The following GRM3 variants were observed in gnomAD, a reference collection of about 807,000 sequenced individuals.
The protein encoded by GRM3 is glutamate metabotropic receptor 3.
Under a neutral mutation model 70.5 loss-of-function variants are expected in GRM3, and 26 were observed. The observed-to-expected ratio is 0.37, with a 90% CI of 0.27 to 0.51. The LOEUF is 0.51. Ranked by LOEUF, GRM3 falls within the 20% of genes least tolerant of loss-of-function variation. The pLI is 0.93. For missense variants in GRM3, 859 were observed against 1,123.8 expected, an observed-to-expected ratio of 0.76 and a Z score of 3.37; for synonymous variants, 443 against 434.9, an observed-to-expected ratio of 1.02 and a Z score of -0.23.
chr7:86,670,116 G>A (rs1794133404), intron 1 of GRM3, among the ~76,000 whole-genome samples: 1 of 152,110 alleles, frequency 6.6e-6, no homozygotes, highest in East Asian at 1.9e-4. Context: ...CTTAATGTAA[G>A]TATTTTACAA....
chr7:86,650,252 A>G (rs1020870805), intron 1 of GRM3, among the ~76,000 whole-genome samples: 2 of 152,206 alleles, frequency 1.3e-5, no homozygotes, highest in Non-Finnish European at 2.9e-5. Flanking sequence ...TAACTTGCCC[A>G]AGTTCAGGTA....
chr7:86,743,730 G>A (rs1166058298), intron 1 of GRM3, among the ~76,000 whole-genome samples: 2 of 152,148 alleles, frequency 1.3e-5, no homozygotes, highest in Non-Finnish European at 2.9e-5. Flanking sequence ...ATAAAGAAGA[G>A]TAGGATTGCA....
chr7:86,755,676 T>C (rs934553607), intron 1 of GRM3, among the ~76,000 whole-genome samples: 4 of 152,072 alleles, frequency 2.6e-5, no homozygotes, highest in African/African-American at 9.7e-5. Context: ...GCAATAAAAT[T>C]AAAGAAAAAT....
At chr7:86,782,328 GGT>G (rs1032813505) in intron 2 of GRM3, among the ~76,000 whole-genome samples, 18 of 113,736 alleles carry the variant, frequency 1.6e-4, no homozygotes, top group Middle Eastern at 4.3e-3. Context: ...ATTATGGGGT[GGT>G]TTTTTTTTTT....
intron 3 of GRM3, among the ~76,000 whole-genome samples, chr7:86,794,563 T>C (rs1333018238): frequency 2.6e-5 from 4 of 152,176 alleles, no homozygotes; most frequent in African/African-American, 7.2e-5. Context: ...GGATCAGGCA[T>C]TGAGAAGGAT....
At chr7:86,758,136 C>A (rs528901353) in intron 1 of GRM3, among the ~76,000 whole-genome samples, 1 of 152,086 alleles carries the variant, frequency 6.6e-6, no homozygotes, top group East Asian at 1.9e-4. Flanking sequence ...TTATTTCTTA[C>A]CAGGAAACAG....
At chr7:86,708,231 T>C (rs1340376385) in intron 1 of GRM3, among the ~76,000 whole-genome samples, 1 of 152,146 alleles carries the variant, frequency 6.6e-6, no homozygotes, top group African/African-American at 2.4e-5. Context: ...TCTTGACACT[T>C]GAAGATCTAT....
intron 1 of GRM3, among the ~76,000 whole-genome samples, chr7:86,764,578 A>C (rs1175253769): frequency 6.6e-6 from 1 of 152,158 alleles, no homozygotes. Flanking sequence ...GTAAGAGTCC[A>C]TAAAAAAGGT....
intron 2 of GRM3, among the ~76,000 whole-genome samples, chr7:86,778,006 T>A (rs886219009): frequency 3.3e-5 from 5 of 152,168 alleles, no homozygotes; most frequent in Non-Finnish European, 7.3e-5. Context: ...GGCACATATA[T>A]AAGCATTTAA....
At position 86,775,546 on chromosome 7, in the gene GRM3, C is replaced by T. The variant is rs1024742769; in HGVS notation, c.468+9933C>T. ...CACCAACTCTCTTTTTAAAACATAA[C>T]TTTGGTCATGTCATTTCCTTAATAA... On this transcript the variant is annotated intron_variant, in intron 2 of 5. Transcript: ENST00000361669. Among the ~76,000 whole-genome samples the T allele has an allele frequency of 5.3e-5, 8 of 152,098 alleles. No individual in the cohort carries two copies. In the East Asian group the frequency reaches 1.5e-3, roughly 29 times the overall value.
In GRM3 at chr7:86,787,008, A is replaced by C; in HGVS notation, c.1216A>C (p.Lys406Gln). ...AVYAMAHALH[K>Q]MQRTLCPNTT... ...GTATGCCATGGCCCACGCTTTGCAC[A>C]AAATGCAGCGCACCCTCTGTCCCAA... The change falls in exon 3 of 6, where the codon AAA (lysine) becomes CAA (glutamine). Residue 406 changes from lysine to glutamine, a missense_variant. Transcript: ENST00000361669. The C allele has an allele frequency of 6.2e-7, 1 of 1,613,986 alleles. No homozygotes were observed. The highest frequency in any genetic ancestry group is 1.6e-4 in the Middle Eastern group (1 of 6,062).
Position 86,697,579 on chromosome 7 carries a change from A to C in GRM3, c.-141+52707A>C, listed in dbSNP as rs141815362. 3.5e-3 allele frequency among the ~76,000 whole-genome samples: 535 copies of C among 152,224 alleles called. 4 individuals are homozygous for C. Among genetic ancestry groups the C allele is most frequent in the African/African-American group, 0.012 (508 of 41,566 alleles). The stretch of plus-strand genomic sequence containing the variant: ...CGTTATCAATTTTCCTAAAAGTGTA[A>C]GTTTAGAATTAATTTCAAAAGGAAG... On this transcript the variant is annotated intron_variant, in intron 1 of 5. Coordinates refer to ENST00000361669, the MANE Select transcript of GRM3 (RefSeq NM_000840.3).
intron 1 of GRM3, among the ~76,000 whole-genome samples, chr7:86,693,779 T>C (rs1042717420): frequency 2.0e-5 from 3 of 152,210 alleles, no homozygotes; most frequent in African/African-American, 7.2e-5. Context: ...TGAGTATTTA[T>C]TGAACACCTT....
At chr7:86,860,647 C>T (rs1166605351) in intron 5 of GRM3, among the ~76,000 whole-genome samples, 1 of 152,142 alleles carries the variant, frequency 6.6e-6, no homozygotes, top group African/African-American at 2.4e-5. Context: ...CTTTGAATGT[C>T]CCTATGAAGG....
chr7:86,813,244 G>A (rs1797948745), intron 3 of GRM3, among the ~76,000 whole-genome samples: 1 of 151,724 alleles, frequency 6.6e-6, no homozygotes, highest in Non-Finnish European at 1.5e-5. Context: ...AGCAGTTCCT[G>A]TCTCTAAGGG....
At chr7:86,739,566 C>T (rs2116314902) in intron 1 of GRM3, among the ~76,000 whole-genome samples, 1 of 152,270 alleles carries the variant, frequency 6.6e-6, no homozygotes, top group East Asian at 1.9e-4. Flanking sequence ...AGAATTGTTC[C>T]AGACCAGCAG....
At chr7:86,792,472 C>T (rs1186807624) in intron 3 of GRM3, among the ~76,000 whole-genome samples, 3 of 152,166 alleles carry the variant, frequency 2.0e-5, no homozygotes, top group Admixed American at 2.0e-4. Context: ...AACATTTATG[C>T]CATTCCTCTC....
chr7:86,731,187 G>T (rs778728422), intron 1 of GRM3, among the ~76,000 whole-genome samples: 2 of 152,066 alleles, frequency 1.3e-5, no homozygotes, highest in Non-Finnish European at 2.9e-5. Flanking sequence ...TTGAATATTG[G>T]CTGCTCGAAT....
chr7:86,804,376 TAC>T (rs1483167909), intron 3 of GRM3, among the ~76,000 whole-genome samples: 1 of 152,210 alleles, frequency 6.6e-6, no homozygotes, highest in Non-Finnish European at 1.5e-5. Context: ...ATATGCTGAG[TAC>T]CAAATATTAA....
Sources: gnomAD v4.1 joint callset for allele counts (sites outside exome capture counted in the v4.1 genomes callset) on GRCh38, gnomAD v4.1.1 for gene constraint, MANE v1.5 for transcripts, NCBI Gene and HGNC (gene_info 2026-07-23, HGNC 2026-07-21) for gene names.